COL21A1: variants seen among roughly 807,000 people sequenced by gnomAD.
The protein encoded by COL21A1 is collagen type XXI alpha 1 chain, also known as collagen alpha-1(XXI) chain.
In COL21A1, 149 loss-of-function variants were observed where a neutral mutation model predicts 137.9. The observed-to-expected ratio is 1.08, with a 90% CI of 0.95 to 1.24. The LOEUF is 1.24. COL21A1 is among the 50% of genes most tolerant of loss of function. The pLI, the probability that COL21A1 is intolerant of heterozygous loss-of-function variation, is 0.00. For missense variants in COL21A1, 1,167 were observed against 1,158.4 expected, an observed-to-expected ratio of 1.01 and a Z score of -0.11; for synonymous variants, 456 against 391.5, an observed-to-expected ratio of 1.16 and a Z score of -1.95.
intron 1 of COL21A1, among the ~76,000 whole-genome samples, chr6:56,355,428 G>A (rs969033719): frequency 2.6e-5 from 4 of 152,098 alleles, no homozygotes; most frequent in South Asian, 4.2e-4. Flanking sequence ...AGGGAGAGAC[G>A]GGGTGGGGGG....
intron 1 of COL21A1, among the ~76,000 whole-genome samples, chr6:56,369,523 T>C (rs887024727): frequency 6.6e-6 from 1 of 152,008 alleles, no homozygotes; most frequent in Non-Finnish European, 1.5e-5. Flanking sequence ...GAAAAAAAAC[T>C]GATGTATGTG....
intron 1 of COL21A1, among the ~76,000 whole-genome samples, chr6:56,372,132 C>T (rs376047444): frequency 1.9e-4 from 29 of 152,276 alleles, no homozygotes; most frequent in African/African-American, 6.7e-4. Flanking sequence ...TATGCCAACT[C>T]CTGGAGAGGA....
At chr6:56,134,765 G>T (rs1044120388) in intron 12 of COL21A1, among the ~76,000 whole-genome samples, 2 of 152,148 alleles carry the variant, frequency 1.3e-5, no homozygotes, top group Admixed American at 1.3e-4. Context: ...TTAAAAATGG[G>T]AGTTTCCCTG....
At chr6:56,082,023 A>C (rs1166366478) in intron 17 of COL21A1, among the ~76,000 whole-genome samples, 2 of 151,964 alleles carry the variant, frequency 1.3e-5, no homozygotes, top group African/African-American at 4.8e-5. Context: ...TTTCTTTTCC[A>C]CACCTAAAGG....
intron 10 of COL21A1, among the ~76,000 whole-genome samples, chr6:56,147,365 C>T (rs1243533387): frequency 6.9e-6 from 1 of 144,308 alleles, no homozygotes. Context: ...TTGTTTTTTG[C>T]TTTTTTTTTT....
At chr6:56,381,893 G>A (rs1202538446) in intron 1 of COL21A1, among the ~76,000 whole-genome samples, 1 of 152,146 alleles carries the variant, frequency 6.6e-6, no homozygotes, top group African/African-American at 2.4e-5. Context: ...TTCAGACTCT[G>A]ATAGCAACAC....
At chr6:56,293,305 G>A (rs1426302695) in intron 1 of COL21A1, among the ~76,000 whole-genome samples, 2 of 152,098 alleles carry the variant, frequency 1.3e-5, no homozygotes, top group East Asian at 1.9e-4. Flanking sequence ...TCATTGTCTT[G>A]TATATAGGAT....
At chr6:56,318,314 A>G (rs1243367945) in intron 1 of COL21A1, among the ~76,000 whole-genome samples, 2 of 152,148 alleles carry the variant, frequency 1.3e-5, no homozygotes, top group African/African-American at 2.4e-5. Flanking sequence ...TGGCTAAAAA[A>G]TATTCAACCA....
chr6:56,267,792 AG>A (rs112146897), intron 1 of COL21A1, among the ~76,000 whole-genome samples: 36,964 of 147,194 alleles, frequency 0.25, 5,843 homozygotes, highest in East Asian at 0.67. Context: ...GAAGAAGAAG[AG>A]AGCCTCCTAT....
At chr6:56,120,799 T>C (rs866674857) in intron 16 of COL21A1, among the ~76,000 whole-genome samples, 1 of 136,332 alleles carries the variant, frequency 7.3e-6, no homozygotes, top group South Asian at 2.4e-4. Context: ...TGTCTCAATT[T>C]AAAAAAAAAA....
intron 1 of COL21A1, among the ~76,000 whole-genome samples, chr6:56,367,633 C>T (rs1379928532): frequency 1.3e-5 from 2 of 152,208 alleles, no homozygotes; most frequent in Non-Finnish European, 2.9e-5. Flanking sequence ...TTCTCTGGAA[C>T]ATTAACCTCT....
At chr6:56,370,597 T>C (rs925643451) in intron 1 of COL21A1, among the ~76,000 whole-genome samples, 6 of 152,226 alleles carry the variant, frequency 3.9e-5, no homozygotes, top group African/African-American at 1.2e-4. Flanking sequence ...CTTTATGTGC[T>C]TATATGGCAA....
rs375539817 is a variant in COL21A1, at chr6:56,339,756, T to C, written c.-39+54215A>G. On this transcript the variant is annotated intron_variant, in intron 1 of 28. Transcript: ENST00000370819. ...GAGTGGAATCTAAACCAGCTTTGGC[T>C]ACTTCCAGAATCATAAGAAAAATAT... Among the ~76,000 whole-genome samples the C allele has an allele frequency of 4.1e-4, 63 of 152,360 alleles. No homozygotes were observed. The East Asian group carries it at 5.8e-3, about 14-fold the overall frequency.
chr6:56,351,814 C>A (rs1019338399), intron 1 of COL21A1, among the ~76,000 whole-genome samples: 27 of 152,134 alleles, frequency 1.8e-4, no homozygotes, highest in Admixed American at 3.3e-4. Flanking sequence ...AACAGACAAA[C>A]AAAAATCAAC....
intron 17 of COL21A1, among the ~76,000 whole-genome samples, chr6:56,093,620 C>G (rs1237547497): frequency 1.3e-5 from 2 of 152,144 alleles, no homozygotes; most frequent in African/African-American, 4.8e-5. Context: ...GCCCTGCCAG[C>G]CTTGGAACCA....
chr6:56,288,823 G>A (rs1763973109), intron 1 of COL21A1, among the ~76,000 whole-genome samples: 1 of 152,184 alleles, frequency 6.6e-6, no homozygotes, highest in African/African-American at 2.4e-5. Context: ...TAGCAGTACA[G>A]TGATGAAAGA....
intron 9 of COL21A1, among the ~76,000 whole-genome samples, chr6:56,160,359 T>G (rs1776104168): frequency 6.6e-6 from 1 of 152,190 alleles, no homozygotes; most frequent in Admixed American, 6.5e-5. Flanking sequence ...CCAGGAAAGT[T>G]AGGTAAGTTG....
At chr6:56,312,797 G>T (rs552166157) in intron 1 of COL21A1, among the ~76,000 whole-genome samples, 2 of 152,098 alleles carry the variant, frequency 1.3e-5, no homozygotes, top group Admixed American at 1.3e-4. Flanking sequence ...ACCATCTGGC[G>T]CACCTCAGTA....
At chr6:56,178,166 AATG>A (rs1324971448) in intron 3 of COL21A1, among the ~76,000 whole-genome samples, 1 of 152,176 alleles carries the variant, frequency 6.6e-6, no homozygotes, top group Non-Finnish European at 1.5e-5. Context: ...GATAAAAATG[AATG>A]ATAAGTGAAA....
Sources: allele counts gnomAD v4.1 joint callset (sites outside exome capture counted in the v4.1 genomes callset), GRCh38; gene constraint gnomAD v4.1.1; transcripts MANE v1.5; gene names NCBI Gene and HGNC (gene_info 2026-07-23, HGNC 2026-07-21).